Variants in ASTN1 observed in about 807,000 individuals in gnomAD.
ASTN1 encodes the protein astrotactin 1.
A neutral mutation model predicts 140.7 loss-of-function variants in ASTN1; 41 were observed. The observed-to-expected ratio is 0.29, with a 90% CI of 0.23 to 0.38. ASTN1 has a LOEUF of 0.38. Among genes scored for constraint, ASTN1 ranks in the 10% least tolerant of loss-of-function variants. The pLI, the probability that ASTN1 is intolerant of heterozygous loss-of-function variation, is 1.00. For missense variants in ASTN1, 1,479 were observed against 1,678.8 expected (o/e 0.88, Z 2.08); for synonymous variants, 640 against 652.2 (o/e 0.98, Z 0.29).
rs529835530 is a variant in ASTN1, at chr1:177,002,342, C to T, written c.1523+12449G>A. ...ACTGTGATTCTGGTCAATGTACTAC[C>T]GACCCTTAAATAATAAAATGTGCCT... On this transcript the variant is annotated intron_variant, in intron 8 of 22. Coordinates refer to ENST00000361833, the MANE Select transcript of ASTN1 (RefSeq NM_004319.3). Among the ~76,000 whole-genome samples, 18 of 150,700 alleles carry T rather than the reference C, an allele frequency of 1.2e-4. No individual in the cohort carries two copies. In the South Asian group the frequency reaches 1.9e-3, roughly 16 times the overall value.
chr1:176,957,188 G>A (rs886312354), intron 11 of ASTN1, among the ~76,000 whole-genome samples: 2 of 152,114 alleles, frequency 1.3e-5, no homozygotes, highest in Admixed American at 1.3e-4. Context: ...ACAGGTGTGA[G>A]TCAGCCACCA....
At chr1:177,136,329 GT>G (rs1321233821) in intron 1 of ASTN1, among the ~76,000 whole-genome samples, 1 of 148,136 alleles carries the variant, frequency 6.8e-6, no homozygotes, top group African/African-American at 2.5e-5. Context: ...TCGTAACTGT[GT>G]TTTTTGTTTT....
chr1:176,885,428 C>T (rs994541048), intron 18 of ASTN1, among the ~76,000 whole-genome samples: 13 of 152,118 alleles, frequency 8.5e-5, no homozygotes, highest in African/African-American at 3.1e-4. Flanking sequence ...CTTGTATGTG[C>T]CTCAGGTTTC....
chr1:177,155,945 G>A (rs183591438), intron 1 of ASTN1, among the ~76,000 whole-genome samples: 65 of 152,184 alleles, frequency 4.3e-4, no homozygotes, highest in Non-Finnish European at 6.5e-4. Flanking sequence ...CTTAGTTCCC[G>A]GATCTTGGTT....
At chr1:177,108,772 T>A (rs1433634998) in intron 1 of ASTN1, among the ~76,000 whole-genome samples, 1 of 152,194 alleles carries the variant, frequency 6.6e-6, no homozygotes, top group Non-Finnish European at 1.5e-5. Flanking sequence ...TTAGTGACTG[T>A]GAGATAGATA....
intron 1 of ASTN1, among the ~76,000 whole-genome samples, chr1:177,120,767 G>A (rs1472290981): frequency 6.6e-6 from 1 of 152,118 alleles, no homozygotes; most frequent in African/African-American, 2.4e-5. Flanking sequence ...GGATTCTGAG[G>A]AAGATATCTA....
chr1:176,999,569 C>A (rs1674619744), intron 8 of ASTN1, among the ~76,000 whole-genome samples: 1 of 152,216 alleles, frequency 6.6e-6, no homozygotes, highest in African/African-American at 2.4e-5. Context: ...TCAGGAAGAT[C>A]TCTAAGTGAA....
chr1:176,858,285 C>T (rs1667871456), downstream of ASTN1, among the ~76,000 whole-genome samples: 1 of 152,214 alleles, frequency 6.6e-6, no homozygotes, highest in Non-Finnish European at 1.5e-5. Context: ...CATATGTCCA[C>T]AGAAATTGTA....
At chr1:177,098,057 T>C (rs529845470) in intron 1 of ASTN1, among the ~76,000 whole-genome samples, 47 of 152,312 alleles carry the variant, frequency 3.1e-4, no homozygotes, top group Non-Finnish European at 5.6e-4. Flanking sequence ...CTGAGTTCTA[T>C]AAGCTGTTTT....
At chr1:176,912,053 C>T (rs907173479) in intron 16 of ASTN1, among the ~76,000 whole-genome samples, 19 of 152,226 alleles carry the variant, frequency 1.2e-4, no homozygotes, top group South Asian at 1.0e-3. Context: ...TGTTATGTGA[C>T]AAATGATGGT....
chr1:177,142,912 G>C (rs565482132), intron 1 of ASTN1, among the ~76,000 whole-genome samples: 1 of 112,736 alleles, frequency 8.9e-6, no homozygotes, highest in African/African-American at 6.6e-5. Flanking sequence ...AAGGGGGGGA[G>C]GGGTGCTGAG....
intron 8 of ASTN1, among the ~76,000 whole-genome samples, chr1:176,995,665 C>T (rs1318779600): frequency 6.6e-6 from 1 of 152,138 alleles, no homozygotes; most frequent in Admixed American, 6.6e-5. Context: ...ACTTGTAGTT[C>T]ACCTTAGGAA....
At chr1:177,072,821 A>G (rs1678708707) in intron 1 of ASTN1, among the ~76,000 whole-genome samples, 1 of 152,066 alleles carries the variant, frequency 6.6e-6, no homozygotes, top group African/African-American at 2.4e-5. Context: ...CCTCACACCT[A>G]CGTGTGCTGG....
At chr1:177,102,010 T>C (rs1345252261) in intron 1 of ASTN1, among the ~76,000 whole-genome samples, 1 of 152,228 alleles carries the variant, frequency 6.6e-6, no homozygotes, top group Non-Finnish European at 1.5e-5. Flanking sequence ...ATGAGTGAGT[T>C]CACACCTGTC....
chr1:177,151,655 C>A (rs1323107867), intron 1 of ASTN1, among the ~76,000 whole-genome samples: 2 of 152,278 alleles, frequency 1.3e-5, no homozygotes, highest in African/African-American at 4.8e-5. Flanking sequence ...AGAGAATAAG[C>A]TTTTCTTCTT....
At chr1:177,075,652 T>TTTC (rs1678865987) in intron 1 of ASTN1, among the ~76,000 whole-genome samples, 3 of 144,926 alleles carry the variant, frequency 2.1e-5, no homozygotes, top group Non-Finnish European at 3.0e-5. Context: ...TTTCTTTTTT[T>TTTC]TTTTTTTTTT....
At chr1:177,075,621 CTTTCTTTTCTTTTCT>C (rs1186697253) in intron 1 of ASTN1, among the ~76,000 whole-genome samples, 1 of 139,530 alleles carries the variant, frequency 7.2e-6, no homozygotes, top group Non-Finnish European at 1.6e-5. Context: ...TTCTTTCTTT[CTTTCTTTTCTTTTCT>C]TTTCTTTTCT....
At chr1:177,005,699 G>T (rs1312098401) in intron 8 of ASTN1, among the ~76,000 whole-genome samples, 3 of 152,064 alleles carry the variant, frequency 2.0e-5, no homozygotes, top group Non-Finnish European at 4.4e-5. Flanking sequence ...GTGTTCCATG[G>T]TGTGTATGTG....
chr1:176,890,792 G>A (rs1044902931), intron 17 of ASTN1, among the ~76,000 whole-genome samples: 3 of 152,166 alleles, frequency 2.0e-5, no homozygotes, highest in South Asian at 2.1e-4. Context: ...TTGAGCGGCC[G>A]AGGCAGGAGG....
Sources: gnomAD v4.1 joint callset for allele counts (sites outside exome capture counted in the v4.1 genomes callset) on GRCh38, gnomAD v4.1.1 for gene constraint, MANE v1.5 for transcripts, NCBI Gene and HGNC (gene_info 2026-07-23, HGNC 2026-07-21) for gene names.